The following ZNF341 variants were observed in gnomAD, a reference collection of about 807,000 sequenced individuals.
ZNF341 encodes the protein zinc finger protein 341.
A neutral mutation model predicts 87.7 loss-of-function variants in ZNF341; 52 were observed. The ratio of observed to expected loss-of-function variants is 0.59; its 90% CI spans 0.47 to 0.75. ZNF341 has a LOEUF of 0.75. Ranked by LOEUF, ZNF341 falls within the 30% of genes least tolerant of loss-of-function variation. ZNF341 has a pLI of 0.00. For synonymous variants in ZNF341, 459 were observed against 472.7 expected, an observed-to-expected ratio of 0.97 and a Z score of 0.38; for missense variants, 977 against 1,145.9, an observed-to-expected ratio of 0.85 and a Z score of 2.13.
chr20:33,740,270 G>A (rs2018771898), intron 1 of ZNF341, among the ~76,000 whole-genome samples: 1 of 152,162 alleles, frequency 6.6e-6, no homozygotes, highest in Non-Finnish European at 1.5e-5. Context: ...AAGGAGGATG[G>A]GACAAAGAAG....
intron 2 of ZNF341, among the ~76,000 whole-genome samples, chr20:33,744,270 T>G (rs1325719605): frequency 6.0e-5 from 8 of 134,450 alleles, no homozygotes; most frequent in South Asian, 2.3e-4. Flanking sequence ...GCAGCAAGAG[T>G]GAAACTCTCT....
intron 10 of ZNF341, among the ~76,000 whole-genome samples, chr20:33,780,913 G>A (rs1219728946): frequency 6.6e-6 from 1 of 152,080 alleles, no homozygotes; most frequent in Non-Finnish European, 1.5e-5. Flanking sequence ...TTGCCATGTT[G>A]CCCAGGCTGA....
intron 5 of ZNF341, among the ~76,000 whole-genome samples, chr20:33,755,485 C>G (rs1223410860): frequency 6.6e-6 from 1 of 151,284 alleles, no homozygotes; most frequent in Non-Finnish European, 1.5e-5. Flanking sequence ...TTTTTTGTAC[C>G]TTTTTTTCAG....
rs780709426 is a variant in ZNF341 at position 33,791,170 on chromosome 20, G to A, written c.2218G>A (p.Asp740Asn). ...TCGTCTCGGCCCCCAAAAGGACAAGGACCTGCAAACCCGGCGGCCCCCCCA... is the reference window on the plus strand; with the variant it reads ...TCGTCTCGGCCCCCAAAAGGACAAGAACCTGCAAACCCGGCGGCCCCCCCA... ...RCRLGPQKDK[D>N]LQTRRPPQRR... is the part of the protein sequence containing the mutation. The change falls in exon 15 of 15, where the codon GAC becomes AAC. Residue 740 changes from aspartate to asparagine, a missense_variant. Physicochemically the swap from Asp to Asn is conservative, Grantham distance 23. Coordinates refer to ENST00000375200, the MANE Select transcript of ZNF341 (RefSeq NM_001282933.2). 1.1e-5 allele frequency: 17 copies of A among 1,613,098 alleles called. No individual in the cohort carries two copies. Among genetic ancestry groups the A allele is most frequent in the Non-Finnish European group, 1.2e-5 (14 of 1,180,008 alleles).
intron 9 of ZNF341, among the ~76,000 whole-genome samples, chr20:33,767,747 C>T (rs977555036): frequency 6.6e-6 from 1 of 152,182 alleles, no homozygotes; most frequent in Non-Finnish European, 1.5e-5. Context: ...TATTATGCTA[C>T]AAATGATAGA....
chr20:33,734,143 G>A (rs1183886887), intron 1 of ZNF341, among the ~76,000 whole-genome samples: 1 of 152,228 alleles, frequency 6.6e-6, no homozygotes, highest in East Asian at 1.9e-4. Context: ...GCAGGACTGT[G>A]GAGATCTAGG....
At chr20:33,748,415 A>G (rs982715231) in intron 3 of ZNF341, among the ~76,000 whole-genome samples, 1 of 152,148 alleles carries the variant, frequency 6.6e-6, no homozygotes, top group Non-Finnish European at 1.5e-5. Context: ...TGTACTTTGC[A>G]GAGGGATGTG....
chr20:33,763,037 T>G (rs1480220415), intron 8 of ZNF341, among the ~76,000 whole-genome samples: 1 of 152,206 alleles, frequency 6.6e-6, no homozygotes, highest in East Asian at 1.9e-4. Context: ...TAAGGATGTT[T>G]CCATGAGTAA....
At position 33,767,019 on chromosome 20, in the gene ZNF341, T is replaced by TGTGA. The variant is rs768307215; in HGVS notation, c.1392_1393insTGAG (p.Thr465Ter). Reference sequence around the variant, plus strand: ...ACCTACTTCCAGCTCAAGTCTCACATGACCCAGCATAAGAATGAGCAGGTA... The same window carrying TGTGA: ...ACCTACTTCCAGCTCAAGTCTCACATGTGAGACCCAGCATAAGAATGAGCAGGTA... On this transcript the variant is annotated stop_gained and frameshift_variant, in exon 9 of 15. Coordinates refer to ENST00000375200, the MANE Select transcript of ZNF341 (RefSeq NM_001282933.2). LOFTEE classifies it high-confidence loss of function. The TGTGA allele has an allele frequency of 6.2e-7, 1 of 1,613,602 alleles. No homozygotes were observed. Among genetic ancestry groups the TGTGA allele is most frequent in the African/African-American group, 1.3e-5 (1 of 74,920 alleles).
chr20:33,767,077 C>G, intron 9 of ZNF341, 36 bp downstream of exon 9: 2 of 1,583,856 alleles, frequency 1.3e-6, no homozygotes, highest in Non-Finnish European at 1.7e-6. Context: ...CCACACCACA[C>G]CAGTCGAAAC....
In ZNF341 at chr20:33,745,097, C is replaced by A. The variant is rs76963606; in HGVS notation, c.143-6C>A. On this transcript the variant is annotated splice_region_variant and splice_polypyrimidine_tract_variant and intron_variant, in intron 2 of 14. Transcript: ENST00000375200. ...TCTTCCCACTACTCTGCGGGTATGA[C>A]CCCAGATGACGAGGATGTATTTCTC... 5.6e-6 allele frequency: 9 copies of A among 1,607,658 alleles called. No homozygotes were observed. Among genetic ancestry groups the A allele is most frequent in the Non-Finnish European group, 7.7e-6 (9 of 1,174,594 alleles).
At chr20:33,781,177 G>A (rs2019735211) in intron 10 of ZNF341, 114 bp from the exon 11 acceptor site, 2 of 764,364 alleles carry the variant, frequency 2.6e-6, no homozygotes, top group Non-Finnish European at 4.7e-6. Context: ...GGATGGATTT[G>A]GAATGAATTA....
In ZNF341 at chr20:33,747,070, A is replaced by G. The variant is rs140966835; in HGVS notation, c.339+1771A>G. The stretch of plus-strand genomic sequence containing the variant: ...GCTTCCAGAGTCCTCAGCCGAAAAC[A>G]CGGTTCTGGAGCAAAGACACCCTGG... On this transcript the variant is annotated intron_variant, in intron 3 of 14. Coordinates refer to ENST00000375200, the MANE Select transcript of ZNF341 (RefSeq NM_001282933.2). Among the ~76,000 whole-genome samples the G allele has an allele frequency of 1.8e-3, 270 of 152,246 alleles. 2 individuals are homozygous for G. In the South Asian group the frequency reaches 0.023, roughly 13 times the overall value.
Position 33,781,277 on chromosome 20 carries a change from C to T in ZNF341, c.1623-14C>T, listed in dbSNP as rs973665194. 1.2e-6 allele frequency: 2 copies of T among 1,609,550 alleles called. No individual in the cohort carries two copies. Among genetic ancestry groups the T allele is most frequent in the African/African-American group, 2.7e-5 (2 of 74,816 alleles). ...TGTGTTTCCTCCCTCATCTCTCCTG[C>T]TCCTTCCACTTAGGTGTGTCAAATG... On this transcript the variant is annotated splice_polypyrimidine_tract_variant and intron_variant, in intron 10 of 14. Coordinates refer to ENST00000375200, the MANE Select transcript of ZNF341 (RefSeq NM_001282933.2).
chr20:33,749,421 T>C (rs1338310583), intron 4 of ZNF341, among the ~76,000 whole-genome samples: 1 of 152,060 alleles, frequency 6.6e-6, no homozygotes, highest in Non-Finnish European at 1.5e-5. Context: ...GCCTCCTGAG[T>C]AGCTGAGATT....
At chr20:33,775,460 C>T (rs531211945) in intron 10 of ZNF341, among the ~76,000 whole-genome samples, 3 of 151,162 alleles carry the variant, frequency 2.0e-5, no homozygotes, top group South Asian at 4.2e-4. Context: ...CTACCCACCT[C>T]GGCCTCCCAA....
chr20:33,743,335 A>ATT (rs143611794), intron 2 of ZNF341, among the ~76,000 whole-genome samples: 102 of 108,038 alleles, frequency 9.4e-4, no homozygotes, highest in Admixed American at 1.2e-3. Context: ...ACCCTGCCCA[A>ATT]TTTTTTTTTT....
At chr20:33,766,301 T>A (rs142846911) in intron 8 of ZNF341, among the ~76,000 whole-genome samples, 3,174 of 152,126 alleles carry the variant, frequency 0.021, 109 homozygotes, top group African/African-American at 0.072. Flanking sequence ...TTCCAGTGAT[T>A]CTCCTGCCTC....
chr20:33,769,826 G>A (rs1168983314), intron 9 of ZNF341, among the ~76,000 whole-genome samples: 3 of 152,172 alleles, frequency 2.0e-5, no homozygotes, highest in East Asian at 1.9e-4. Context: ...CAGGAGAATC[G>A]CTTGAACCTG....
Sources: gnomAD v4.1 joint callset for allele counts (sites outside exome capture counted in the v4.1 genomes callset) on GRCh38, gnomAD v4.1.1 for gene constraint, MANE v1.5 for transcripts, NCBI Gene and HGNC (gene_info 2026-07-23, HGNC 2026-07-21) for gene names.